ANKS1B: variants seen among roughly 807,000 people sequenced by gnomAD.
ANKS1B encodes ankyrin repeat and sterile alpha motif domain-containing protein 1B.
In ANKS1B, 36 loss-of-function variants were observed where a neutral mutation model predicts 148.3. The observed-to-expected ratio is 0.24, with a 90% CI of 0.19 to 0.32. The LOEUF is 0.32. Ranked by LOEUF, ANKS1B falls within the 10% of genes least tolerant of loss-of-function variation. The pLI is 1.00. For missense variants in ANKS1B, 1,157 were observed against 1,542.6 expected (o/e 0.75, Z 4.19); for synonymous variants, 542 against 560.8 (o/e 0.97, Z 0.47).
At chr12:99,537,536 G>A (rs73147374) in intron 9 of ANKS1B, among the ~76,000 whole-genome samples, 9,159 of 152,060 alleles carry the variant, frequency 0.06, 387 homozygotes, top group East Asian at 0.23. Context: ...CTTTTCATAC[G>A]CCTGTTTTCC....
At position 99,806,789 on chromosome 12, in the gene ANKS1B, T is replaced by C. The variant is rs1424012785; in HGVS notation, c.373-89A>G. The C allele has an allele frequency of 3.4e-6, 4 of 1,190,968 alleles. No individual in the cohort carries two copies. In the East Asian group the frequency reaches 7.3e-5, roughly 22 times the overall value. 73.8% of individuals were successfully genotyped at this position (1,190,968 alleles called of 1,614,324 possible). A position where few individuals can be genotyped will look rare whatever the true frequency, so the allele number is the denominator to read the frequency against. On this transcript the variant is annotated intron_variant, in intron 3 of 26. Transcript: ENST00000683438. The stretch of plus-strand genomic sequence containing the variant: ...ACAGTAATTTAAAACCTGCAATGCT[T>C]TGAAATGTAAGTTAAGATTTATCCA...
At chr12:99,837,120 G>C (rs927238334) in intron 1 of ANKS1B, among the ~76,000 whole-genome samples, 1 of 152,076 alleles carries the variant, frequency 6.6e-6, no homozygotes, top group Non-Finnish European at 1.5e-5. Context: ...TCAAAAAGAC[G>C]GCACAGTCAA....
chr12:99,380,754 C>CTCCTTCCTTCCTTCCTTCCTTCCTTCCT (rs144164931), intron 12 of ANKS1B, among the ~76,000 whole-genome samples: 7 of 132,832 alleles, frequency 5.3e-5, no homozygotes, highest in African/African-American at 2.1e-4. Context: ...GTTTCCTTTC[C>CTCCTTCCTTCCTTCCTTCCTTCCTTCCT]TCCTTCCTTC....
chr12:99,816,430 T>C (rs957894883), intron 2 of ANKS1B, among the ~76,000 whole-genome samples: 4 of 151,824 alleles, frequency 2.6e-5, no homozygotes, highest in Admixed American at 1.3e-4. Context: ...CTGTGGGTTG[T>C]CTGTTTACTC....
chr12:99,549,848 A>G (rs1201050176), intron 9 of ANKS1B, among the ~76,000 whole-genome samples: 1 of 152,160 alleles, frequency 6.6e-6, no homozygotes, highest in African/African-American at 2.4e-5. Flanking sequence ...GCTGTGAAAA[A>G]CATCCTGCTG....
chr12:99,781,946 T>A (rs2064374729), intron 5 of ANKS1B, 76 bp downstream of exon 5: 1 of 1,265,314 alleles, frequency 7.9e-7, no homozygotes, highest in Non-Finnish European at 1.1e-6. Context: ...GAAAACTGTG[T>A]CATTTTCCTT....
At chr12:98,946,118 C>T (rs1597384155) in intron 17 of ANKS1B, among the ~76,000 whole-genome samples, 1 of 152,320 alleles carries the variant, frequency 6.6e-6, no homozygotes, top group East Asian at 1.9e-4. Flanking sequence ...AAGACTGGTT[C>T]AGTTTGGGTT....
chr12:99,311,116 T>A (rs929790832), intron 12 of ANKS1B, among the ~76,000 whole-genome samples: 1 of 152,174 alleles, frequency 6.6e-6, no homozygotes, highest in Non-Finnish European at 1.5e-5. Context: ...AGAAAATGTA[T>A]TTTCAGGTGG....
At chr12:99,133,056 CTT>C (rs58520928) in intron 15 of ANKS1B, among the ~76,000 whole-genome samples, 48 of 118,034 alleles carry the variant, frequency 4.1e-4, no homozygotes, top group African/African-American at 1.4e-3. Flanking sequence ...TTCTTTCTTT[CTT>C]TTTTTTTTTT....
At chr12:99,660,239 G>T (rs367713456) in intron 8 of ANKS1B, among the ~76,000 whole-genome samples, 70 of 152,214 alleles carry the variant, frequency 4.6e-4, no homozygotes, top group African/African-American at 1.6e-3. Flanking sequence ...CACATTCAGT[G>T]GGTGTACTTC....
At chr12:99,961,667 A>C (rs762147268) in intron 1 of ANKS1B, among the ~76,000 whole-genome samples, 5 of 151,398 alleles carry the variant, frequency 3.3e-5, no homozygotes, top group African/African-American at 7.4e-5. Flanking sequence ...TGGATCTTGT[A>C]CCCTTTTCTG....
chr12:99,365,322 G>A (rs1369801304), intron 12 of ANKS1B, among the ~76,000 whole-genome samples: 2 of 152,180 alleles, frequency 1.3e-5, no homozygotes, highest in Admixed American at 1.3e-4. Context: ...GTCAGACATT[G>A]AGTCACCCAA....
intron 16 of ANKS1B, among the ~76,000 whole-genome samples, chr12:99,070,901 G>C (rs571972596): frequency 6.6e-6 from 1 of 152,062 alleles, no homozygotes; most frequent in Non-Finnish European, 1.5e-5. Flanking sequence ...CTTCCCTCAC[G>C]CGATCCTCCT....
intron 17 of ANKS1B, among the ~76,000 whole-genome samples, chr12:99,039,945 T>A (rs1568500521): frequency 6.6e-6 from 1 of 152,182 alleles, no homozygotes; most frequent in Non-Finnish European, 1.5e-5. Context: ...ACTCATAGAT[T>A]TAGTTCTCTC....
At chr12:99,633,225 G>T (rs1176985358) in intron 9 of ANKS1B, among the ~76,000 whole-genome samples, 53 of 151,970 alleles carry the variant, frequency 3.5e-4, no homozygotes, top group Non-Finnish European at 5.9e-5. Context: ...ACATACGTGT[G>T]CATGTGTCTG....
intron 1 of ANKS1B, among the ~76,000 whole-genome samples, chr12:99,873,182 G>T (rs1384969553): frequency 6.6e-6 from 1 of 151,856 alleles, no homozygotes; most frequent in East Asian, 1.9e-4. Context: ...CATCATTTTT[G>T]CCTATTTATT....
intron 9 of ANKS1B, among the ~76,000 whole-genome samples, chr12:99,653,084 C>T (rs532077534): frequency 6.6e-6 from 1 of 152,164 alleles, no homozygotes; most frequent in Admixed American, 6.5e-5. Context: ...AATTAATAAA[C>T]TTATTGAACA....
At chr12:99,473,789 CT>C (rs1039350265) in intron 10 of ANKS1B, among the ~76,000 whole-genome samples, 1 of 151,966 alleles carries the variant, frequency 6.6e-6, no homozygotes, top group African/African-American at 2.4e-5. Context: ...CTTTTCCTTA[CT>C]TTGTAGTGCT....
chr12:99,369,791 T>TAGATAGATAGATAGATAGATAGATGGAC (rs879173702), intron 12 of ANKS1B, among the ~76,000 whole-genome samples: 2 of 148,892 alleles, frequency 1.3e-5, no homozygotes, highest in African/African-American at 5.0e-5. Context: ...GATAGATAGA[T>TAGATAGATAGATAGATAGATAGATGGAC]GGACGGACGG....
Sources: gnomAD v4.1 joint callset for allele counts (sites outside exome capture counted in the v4.1 genomes callset) on GRCh38, gnomAD v4.1.1 for gene constraint, MANE v1.5 for transcripts, NCBI Gene and HGNC (gene_info 2026-07-23, HGNC 2026-07-21) for gene names.